The following IQGAP1 variants were observed in gnomAD, a reference collection of about 807,000 sequenced individuals.
The protein encoded by IQGAP1 is IQ motif containing GTPase activating protein 1.
In IQGAP1, 66 loss-of-function variants were observed where a neutral mutation model predicts 215.6. The observed-to-expected ratio is 0.31, with a 90% CI of 0.25 to 0.38. IQGAP1 has a LOEUF of 0.38. Among genes scored for constraint, IQGAP1 ranks in the 10% least tolerant of loss-of-function variants. IQGAP1 has a pLI of 1.00. For synonymous variants in IQGAP1, 772 were observed against 728.7 expected (o/e 1.06, Z -0.96); for missense variants, 1,712 against 1,997.1 (o/e 0.86, Z 2.72).
At chr15:90,434,528 C>T (rs1965345495) in intron 5 of IQGAP1, among the ~76,000 whole-genome samples, 2 of 151,740 alleles carry the variant, frequency 1.3e-5, no homozygotes, top group Admixed American at 6.6e-5. Flanking sequence ...ATATTTTTTT[C>T]CCATAATGTC....
chr15:90,421,963 A>G (rs1396136675), intron 2 of IQGAP1, among the ~76,000 whole-genome samples: 1 of 152,150 alleles, frequency 6.6e-6, no homozygotes, highest in East Asian at 1.9e-4. Flanking sequence ...ACCGGTTCTA[A>G]ATATTTAAGT....
chr15:90,415,538 C>T (rs1020746123), intron 2 of IQGAP1, among the ~76,000 whole-genome samples: 10 of 152,018 alleles, frequency 6.6e-5, no homozygotes, highest in Middle Eastern at 3.2e-3. Context: ...AAAAAATTCT[C>T]TAATCCATTT....
chr15:90,416,353 T>C (rs2589952), intron 2 of IQGAP1, among the ~76,000 whole-genome samples: 24,530 of 152,198 alleles, frequency 0.16, 2,720 homozygotes, highest in East Asian at 0.46. Context: ...TGAATGGTGC[T>C]GCAGTAAACA....
intron 2 of IQGAP1, among the ~76,000 whole-genome samples, chr15:90,402,713 C>A (rs1964820497): frequency 6.6e-6 from 1 of 151,716 alleles, no homozygotes; most frequent in African/African-American, 2.4e-5. Flanking sequence ...AACTGGTGAT[C>A]CTAAAAACAG....
chr15:90,413,219 C>T (rs1003288937), intron 2 of IQGAP1, among the ~76,000 whole-genome samples: 2 of 152,124 alleles, frequency 1.3e-5, no homozygotes, highest in Non-Finnish European at 1.5e-5. Flanking sequence ...AACCATTTCA[C>T]CCCCACACTC....
intron 2 of IQGAP1, among the ~76,000 whole-genome samples, chr15:90,396,168 A>T (rs532241726): frequency 6.6e-6 from 1 of 152,196 alleles, no homozygotes; most frequent in Non-Finnish European, 1.5e-5. Context: ...TTTTTTGTGC[A>T]TATGTCTTTA....
intron 26 of IQGAP1, among the ~76,000 whole-genome samples, chr15:90,481,150 T>C (rs1966052786): frequency 6.6e-6 from 1 of 152,150 alleles, no homozygotes; most frequent in South Asian, 2.1e-4. Context: ...TTCTTGACTC[T>C]TAGAGCTTGT....
chr15:90,445,170 G>C (rs1290193715), intron 9 of IQGAP1, among the ~76,000 whole-genome samples: 1 of 151,458 alleles, frequency 6.6e-6, no homozygotes, highest in East Asian at 1.9e-4. Flanking sequence ...ATCTGGCTCT[G>C]AAGTGGTACT....
At chr15:90,491,230 G>T in intron 33 of IQGAP1, 103 bp from the exon 34 acceptor site, 2 of 916,792 alleles carry the variant, frequency 2.2e-6, no homozygotes, top group African/African-American at 1.7e-5. Context: ...TTTCAAGGTT[G>T]GAGTTTAAGA....
intron 2 of IQGAP1, among the ~76,000 whole-genome samples, chr15:90,406,892 A>C (rs1277447510): frequency 2.0e-5 from 3 of 152,234 alleles, no homozygotes; most frequent in African/African-American, 7.2e-5. Flanking sequence ...CGAAAACAAA[A>C]TGAAAGAAAC....
chr15:90,499,426 A>T (rs1245378718), intron 37 of IQGAP1, among the ~76,000 whole-genome samples: 1 of 152,250 alleles, frequency 6.6e-6, no homozygotes, highest in Non-Finnish European at 1.5e-5. Context: ...CATGGCAGAC[A>T]CCTAATAAAA....
intron 18 of IQGAP1, among the ~76,000 whole-genome samples, chr15:90,467,985 T>G (rs1378917667): frequency 1.3e-5 from 2 of 152,174 alleles, no homozygotes; most frequent in Non-Finnish European, 2.9e-5. Flanking sequence ...TCATAGAGCT[T>G]TTAAAGTACT....
rs781342659 is a variant in IQGAP1 at position 90,440,510 on chromosome 15, A to G, written c.544A>G (p.Ile182Val). 1 of 1,560,786 alleles carries G rather than the reference A, an allele frequency of 6.4e-7. No individual in the cohort carries two copies. The highest frequency in any genetic ancestry group is 8.7e-7 in the Non-Finnish European group (1 of 1,150,216). The part of the protein sequence containing the change: ...YGKVDFTEEE[I>V]NNMKTELEKY... ...TTAATTCCCTCCTGTAGAAGAAGAA[A>G]TCAACAACATGAAGACTGAGTTGGA... The change falls in exon 7 of 38, where the codon ATC (isoleucine) becomes GTC (valine). Residue 182 changes from isoleucine (I) to valine (V), a missense_variant. Transcript: ENST00000268182.
chr15:90,463,987 A>G (rs982738623), intron 15 of IQGAP1, among the ~76,000 whole-genome samples: 16 of 152,312 alleles, frequency 1.1e-4, no homozygotes, highest in East Asian at 7.7e-4. Flanking sequence ...TGTGACTTCA[A>G]CTGTTGGGCA....
chr15:90,476,768 G>A lies in IQGAP1; in HGVS notation c.2890G>A (p.Glu964Lys). Residue 964 changes from glutamate to lysine, a missense_variant, in exon 24 of 38, where the codon GAG becomes AAG. This residue lies in a region of IQGAP1 where 691 missense variants were observed against 923.0 expected (regional missense o/e 0.75). Coordinates refer to ENST00000268182, the MANE Select transcript of IQGAP1 (RefSeq NM_003870.4). ...GGGAGGTCTCAAGGCTTTGAGCAAG[G>A]AGAAGAGAGAGAAGTTGGAAGCTTA... ...QKGGLKALSK[E>K]KREKLEAYQH... The A allele has an allele frequency of 6.2e-7, 1 of 1,606,462 alleles. No individual in the cohort carries two copies. The highest frequency in any genetic ancestry group is 8.5e-7 in the Non-Finnish European group (1 of 1,178,394).
At chr15:90,433,868 T>C (rs923692950) in intron 5 of IQGAP1, 73 bp downstream of exon 5, 1 of 881,452 alleles carries the variant, frequency 1.1e-6, no homozygotes, top group African/African-American at 1.7e-5. Context: ...TTTTTATCCT[T>C]GAGGTAAGAA....
In IQGAP1 at chr15:90,437,648, C is replaced by T. The variant is rs548629984; in HGVS notation, c.468-1684C>T. Among the ~76,000 whole-genome samples the T allele has an allele frequency of 2.0e-5, 3 of 152,274 alleles. No homozygotes were observed. In the East Asian group the frequency reaches 5.8e-4, roughly 29 times the overall value. ...CAACCTCCCAGGCACAAGCTATCCT[C>T]CTGCCTTAGCCTCCCAAATGGCTAG... On this transcript the variant is annotated intron_variant, in intron 5 of 37. Coordinates refer to ENST00000268182, the MANE Select transcript of IQGAP1 (RefSeq NM_003870.4).
chr15:90,482,648 T>C (rs2151035710), intron 28 of IQGAP1: 1 of 686,220 alleles, frequency 1.5e-6, no homozygotes, highest in Non-Finnish European at 1.8e-6. Context: ...TCAGCTATGC[T>C]CTTCTCTTTT....
chr15:90,464,663 A>G (rs986179049), intron 15 of IQGAP1, among the ~76,000 whole-genome samples: 17 of 152,130 alleles, frequency 1.1e-4, no homozygotes, highest in African/African-American at 4.1e-4. Flanking sequence ...ATCCTGGCTA[A>G]CATGGTGAAA....
Sources: allele counts gnomAD v4.1 joint callset (sites outside exome capture counted in the v4.1 genomes callset), GRCh38; gene constraint gnomAD v4.1.1; regional missense constraint gnomAD v4.1.1; transcripts MANE v1.5; gene names NCBI Gene and HGNC (gene_info 2026-07-23, HGNC 2026-07-21).